Variants in CDH3 observed in about 807,000 individuals in gnomAD.
The protein encoded by CDH3 is cadherin-3.
A neutral mutation model predicts 82.0 loss-of-function variants in CDH3; 54 were observed. The observed-to-expected ratio is 0.66, with a 90% CI of 0.53 to 0.83. The LOEUF is 0.83. CDH3 is among the 40% of genes least tolerant of loss of function. The probability of loss-of-function intolerance (pLI) is 0.00; values close to 1 mark genes in which losing one functional copy is unlikely to be tolerated. For synonymous variants in CDH3, 446 were observed against 437.9 expected (o/e 1.02, Z -0.23); for missense variants, 1,054 against 1,084.6 (o/e 0.97, Z 0.40).
In CDH3 at chr16:68,698,450, C is replaced by T; in HGVS notation, c.*50C>T. On this transcript the variant is annotated 3_prime_UTR_variant, in exon 16 of 16. Coordinates refer to ENST00000264012, the MANE Select transcript of CDH3 (RefSeq NM_001793.6). The stretch of plus-strand genomic sequence containing the variant: ...CCAAACGTCAGGCCACAGAGCATCT[C>T]CAAGGGGTCTCAGTTCCCCCTTCAG... 1.9e-6 allele frequency: 3 copies of T among 1,545,562 alleles called. No homozygotes were observed. The highest frequency in any genetic ancestry group is 2.7e-6 in the Non-Finnish European group (3 of 1,119,270).
At chr16:68,665,323 A>G (rs1960703735) in intron 2 of CDH3, among the ~76,000 whole-genome samples, 1 of 152,062 alleles carries the variant, frequency 6.6e-6, no homozygotes, top group African/African-American at 2.4e-5. Flanking sequence ...CAGGAGAATC[A>G]CTTGAAACTG....
At chr16:68,664,377 C>T (rs1451486361) in intron 2 of CDH3, among the ~76,000 whole-genome samples, 2 of 152,008 alleles carry the variant, frequency 1.3e-5, no homozygotes, top group Non-Finnish European at 2.9e-5. Flanking sequence ...AAAAGCCATA[C>T]CAATTTACCT....
At chr16:68,681,593 T>G (rs934086970) in intron 8 of CDH3, among the ~76,000 whole-genome samples, 2 of 152,226 alleles carry the variant, frequency 1.3e-5, no homozygotes, top group Non-Finnish European at 2.9e-5. Context: ...CCCAGCACTT[T>G]GGGAGGCCAA....
At chr16:68,716,199 C>G (rs1451314255) in intron 1 of CDH3, among the ~76,000 whole-genome samples, 5 of 143,936 alleles carry the variant, frequency 3.5e-5, no homozygotes, top group Non-Finnish European at 7.5e-5. Context: ...ACCCGGGAGG[C>G]GGAGGTTGCA....
chr16:68,703,299 G>A (rs1317514892), downstream of CDH3, among the ~76,000 whole-genome samples: 1 of 152,138 alleles, frequency 6.6e-6, no homozygotes, highest in Non-Finnish European at 1.5e-5. Context: ...TTCTAGGCAT[G>A]GACCTCACTC....
intron 9 of CDH3, among the ~76,000 whole-genome samples, chr16:68,683,539 C>T (rs562726561): frequency 4.2e-4 from 63 of 149,210 alleles, no homozygotes; most frequent in Admixed American, 1.9e-3. Context: ...GTAGTCCCAG[C>T]TACTTGGGAG....
chr16:68,717,829 T>G (rs1021518649), intron 1 of CDH3, among the ~76,000 whole-genome samples: 1 of 152,048 alleles, frequency 6.6e-6, no homozygotes, highest in Non-Finnish European at 1.5e-5. Context: ...ATTTATATCT[T>G]TCTCAGAGAC....
At chr16:68,697,567 C>A (rs1961767809) in intron 15 of CDH3, among the ~76,000 whole-genome samples, 1 of 152,132 alleles carries the variant, frequency 6.6e-6, no homozygotes, top group African/African-American at 2.4e-5. Flanking sequence ...CTTCAGAAAC[C>A]ACTGATGCCT....
intron 9 of CDH3, among the ~76,000 whole-genome samples, 161 bp from the exon 10 acceptor site, chr16:68,684,422 G>GA (rs1291141162): frequency 1.3e-5 from 2 of 152,186 alleles, no homozygotes; most frequent in Admixed American, 1.3e-4. Flanking sequence ...GTGCACTCAG[G>GA]AAACACGGGA....
intron 8 of CDH3, among the ~76,000 whole-genome samples, chr16:68,681,553 A>G (rs1388454222): frequency 1.3e-5 from 2 of 152,176 alleles, no homozygotes; most frequent in Non-Finnish European, 2.9e-5. Flanking sequence ...ATTTGTAATG[A>G]CGCCAGGGGC....
chr16:68,706,834 G>A (rs1162001840), intron 1 of CDH3, among the ~76,000 whole-genome samples: 3 of 152,152 alleles, frequency 2.0e-5, no homozygotes, highest in Admixed American at 6.6e-5. Flanking sequence ...GATTACAGGC[G>A]TGAGCCACTG....
intron 2 of CDH3, among the ~76,000 whole-genome samples, chr16:68,723,595 G>A (rs960453353): frequency 3.9e-5 from 6 of 152,150 alleles, no homozygotes; most frequent in African/African-American, 7.2e-5. Context: ...CATAAGACTC[G>A]TCAATTCCTT....
intron 2 of CDH3, among the ~76,000 whole-genome samples, chr16:68,662,941 T>G (rs990301293): frequency 7.1e-6 from 1 of 141,104 alleles, no homozygotes; most frequent in African/African-American, 2.6e-5. Flanking sequence ...TGATCTTGGC[T>G]CACTGCACAC....
downstream of CDH3, among the ~76,000 whole-genome samples, chr16:68,701,707 A>T (rs965878657): frequency 6.6e-6 from 1 of 151,688 alleles, no homozygotes; most frequent in Non-Finnish European, 1.5e-5. Context: ...CACTATGCCC[A>T]GCTATTCTTT....
chr16:68,660,587 T>C (rs2152093186), intron 2 of CDH3, among the ~76,000 whole-genome samples: 1 of 152,304 alleles, frequency 6.6e-6, no homozygotes, highest in African/African-American at 2.4e-5. Flanking sequence ...GCTTATGAGT[T>C]TTTTTCTTAA....
chr16:68,703,281 C>T (rs1961918666), downstream of CDH3, among the ~76,000 whole-genome samples: 3 of 152,260 alleles, frequency 2.0e-5, no homozygotes, highest in South Asian at 6.2e-4. Flanking sequence ...GAATTCCCGG[C>T]CCCCCATTTC....
chr16:68,733,225 C>T, the CDH3 span, among the ~76,000 whole-genome samples: 15 of 152,276 alleles, frequency 9.9e-5, 1 homozygote, highest in South Asian at 3.1e-3. Flanking sequence ...CTCAAATGAT[C>T]CTCCTACCTC....
In CDH3 at chr16:68,707,756, T is replaced by G. The variant is rs1597826952; in HGVS notation, c.99+11833T>G. ...TGCCAGCCTTGTCCTCGCTTGGTAT[T>G]AGGCCCTCTCCAAGTTAGAGGTGGG... On this transcript the variant is annotated intron_variant, in intron 1 of 2. Coordinates refer to the CDH3 transcript ENST00000569080. The surrounding 1 kb of genome is among the most constrained non-coding windows in gnomAD (Gnocchi z 4.5). Among the ~76,000 whole-genome samples, 1 of 152,138 alleles carries G rather than the reference T, an allele frequency of 6.6e-6. No individual in the cohort carries two copies. The highest frequency in any genetic ancestry group is 2.1e-4 in the South Asian group (1 of 4,806).
At chr16:68,696,159 G>A (rs970189823) in intron 15 of CDH3, 12 of 536,580 alleles carry the variant, frequency 2.2e-5, no homozygotes, top group African/African-American at 9.4e-5. Context: ...GGTGCCTCAC[G>A]CCTGTAATCT....
Sources: allele counts gnomAD v4.1 joint callset (sites outside exome capture counted in the v4.1 genomes callset), GRCh38; gene constraint gnomAD v4.1.1; non-coding constraint Gnocchi (gnomAD v3.1); transcripts MANE v1.5; gene names NCBI Gene and HGNC (gene_info 2026-07-23, HGNC 2026-07-21).